HMG20A: variants seen among roughly 807,000 people sequenced by gnomAD.
HMG20A encodes high mobility group 20A.
HMG20A carries 17 observed loss-of-function variants against 43.9 expected under a neutral mutation model. The ratio of observed to expected loss-of-function variants is 0.39; its 90% CI spans 0.27 to 0.58. The LOEUF (loss-of-function observed/expected upper bound fraction) is 0.58, where lower values mean the gene tolerates loss of function less well. Among genes scored for constraint, HMG20A ranks in the 20% least tolerant of loss-of-function variants. The pLI is 0.59. For missense variants in HMG20A, 341 were observed against 438.2 expected, an observed-to-expected ratio of 0.78 and a Z score of 1.98; for synonymous variants, 132 against 147.5, an observed-to-expected ratio of 0.89 and a Z score of 0.76.
chr15:77,470,901 C>T lies in HMG20A; in HGVS notation c.451-9C>T. The T allele has an allele frequency of 1.3e-6, 2 of 1,547,512 alleles. No homozygotes were observed. The highest frequency in any genetic ancestry group is 1.7e-6 in the Non-Finnish European group (2 of 1,155,768). On this transcript the variant is annotated splice_polypyrimidine_tract_variant and intron_variant, in intron 4 of 9. Coordinates refer to ENST00000336216, the MANE Select transcript of HMG20A (RefSeq NM_001304504.2). ...TTTTCTTGAAAATAATTCTGTATTTCTTTCCTAGCGCTACCTTGATGAAGC... is the reference window on the plus strand; with the variant it reads ...TTTTCTTGAAAATAATTCTGTATTTTTTTCCTAGCGCTACCTTGATGAAGC...
At chr15:77,506,062 G>A in the HMG20A span, among the ~76,000 whole-genome samples, 1 of 146,982 alleles carries the variant, frequency 6.8e-6, no homozygotes, top group Non-Finnish European at 1.5e-5. Context: ...ACCTAGGGTT[G>A]GTAGAGTTAG....
intron 1 of HMG20A, among the ~76,000 whole-genome samples, chr15:77,426,691 G>C (rs985217856): frequency 6.6e-6 from 1 of 152,000 alleles, no homozygotes; most frequent in African/African-American, 2.4e-5. Flanking sequence ...TACACTAAAG[G>C]GGTCAGTTTT....
chr15:77,488,807 C>T (rs76573272), downstream of HMG20A, among the ~76,000 whole-genome samples: 732 of 152,332 alleles, frequency 4.8e-3, 10 homozygotes, highest in African/African-American at 0.016. Flanking sequence ...GAATGCACTA[C>T]AGGTAGTTAA....
intron 1 of HMG20A, among the ~76,000 whole-genome samples, chr15:77,445,215 T>C (rs2073659816): frequency 6.6e-6 from 1 of 152,226 alleles, no homozygotes. Flanking sequence ...GGAAGAAACA[T>C]TCTTTCTACC....
the HMG20A span, among the ~76,000 whole-genome samples, chr15:77,513,315 C>G: frequency 6.6e-6 from 1 of 152,210 alleles, no homozygotes; most frequent in Non-Finnish European, 1.5e-5. Flanking sequence ...TTCTCTTTCT[C>G]TCTGTCCTTC....
intron 1 of HMG20A, among the ~76,000 whole-genome samples, chr15:77,446,069 C>G (rs920969128): frequency 6.6e-6 from 1 of 152,154 alleles, no homozygotes; most frequent in Non-Finnish European, 1.5e-5. Context: ...TAGTATGAAT[C>G]TGGATTTTCA....
chr15:77,480,622 A>C (rs1429038544), intron 9 of HMG20A, among the ~76,000 whole-genome samples: 1 of 151,382 alleles, frequency 6.6e-6, no homozygotes, highest in Non-Finnish European at 1.5e-5. Context: ...AAAAAAAAAA[A>C]AAACAAAATA....
chr15:77,469,178 C>T (rs2072784027), intron 4 of HMG20A, among the ~76,000 whole-genome samples: 1 of 151,302 alleles, frequency 6.6e-6, no homozygotes, highest in East Asian at 1.9e-4. Flanking sequence ...ATTTTGCTTA[C>T]CTGGTACATT....
chr15:77,490,679 A>T, the HMG20A span, among the ~76,000 whole-genome samples: 2 of 152,058 alleles, frequency 1.3e-5, no homozygotes, highest in African/African-American at 4.8e-5. Flanking sequence ...AAGAAGAATG[A>T]CTCAGTTTTT....
At position 77,483,777 on chromosome 15, in the gene HMG20A, A is replaced by G. The variant is rs889097580; in HGVS notation, c.*814A>G. The stretch of plus-strand genomic sequence containing the variant: ...GCTCTTCTGTTCCCATCTGTTGACA[A>G]TGTCTTGTGGAGCATTTTTGCTGAG... On this transcript the variant is annotated 3_prime_UTR_variant, in exon 10 of 10. Coordinates refer to ENST00000336216, the MANE Select transcript of HMG20A (RefSeq NM_001304504.2). 5 of 152,684 alleles carry G rather than the reference A, an allele frequency of 3.3e-5. No individual in the cohort carries two copies. The highest frequency in any genetic ancestry group is 9.6e-5 in the African/African-American group (4 of 41,454). 9.5% of individuals were successfully genotyped at this position (152,684 alleles called of 1,614,324 possible).
At chr15:77,480,611 C>CAA (rs1261742792) in intron 9 of HMG20A, among the ~76,000 whole-genome samples, 25 of 69,440 alleles carry the variant, frequency 3.6e-4, no homozygotes, top group African/African-American at 6.0e-4. Flanking sequence ...GATTCTGTCT[C>CAA]AAAAAAAAAA....
chr15:77,453,990 C>T (rs762374848), intron 1 of HMG20A, among the ~76,000 whole-genome samples: 1 of 147,824 alleles, frequency 6.8e-6, no homozygotes, highest in Admixed American at 6.8e-5. Flanking sequence ...GGCAACATAG[C>T]GAAACCCTAT....
chr15:77,518,073 C>T, the HMG20A span, among the ~76,000 whole-genome samples: 2 of 152,350 alleles, frequency 1.3e-5, no homozygotes, highest in South Asian at 4.1e-4. Flanking sequence ...TGGCCCCTGC[C>T]TCTGGAAACA....
intron 1 of HMG20A, among the ~76,000 whole-genome samples, chr15:77,443,908 G>A (rs1413334585): frequency 6.6e-6 from 1 of 151,712 alleles, no homozygotes; most frequent in African/African-American, 2.4e-5. Context: ...ATGGGGTTTC[G>A]CCATGTTGCC....
chr15:77,431,450 G>A (rs531027083), intron 1 of HMG20A, among the ~76,000 whole-genome samples: 66 of 152,284 alleles, frequency 4.3e-4, no homozygotes, highest in Middle Eastern at 6.8e-3. Context: ...GACCTCAGGT[G>A]ATTTGCCTGC....
chr15:77,440,001 T>A (rs1243789116), intron 1 of HMG20A, among the ~76,000 whole-genome samples: 1 of 152,180 alleles, frequency 6.6e-6, no homozygotes, highest in Non-Finnish European at 1.5e-5. Context: ...TGCTTTGTAT[T>A]TAGCCCCCTT....
intron 1 of HMG20A, among the ~76,000 whole-genome samples, chr15:77,446,325 A>G (rs964695034): frequency 2.6e-5 from 4 of 152,150 alleles, no homozygotes; most frequent in African/African-American, 4.8e-5. Flanking sequence ...CTGTAAAATA[A>G]TAAGTGTTGT....
chr15:77,425,668 G>A (rs2073419394), intron 1 of HMG20A, among the ~76,000 whole-genome samples: 1 of 152,132 alleles, frequency 6.6e-6, no homozygotes, highest in Non-Finnish European at 1.5e-5. Flanking sequence ...GGCATGGAGA[G>A]CTTAATATAG....
chr15:77,477,275 G>C (rs1412216654), intron 6 of HMG20A, among the ~76,000 whole-genome samples: 1 of 152,084 alleles, frequency 6.6e-6, no homozygotes, highest in African/African-American at 2.4e-5. Flanking sequence ...CTAAGAAATG[G>C]CTTCAAATTC....
Sources: gnomAD v4.1 joint callset for allele counts (sites outside exome capture counted in the v4.1 genomes callset) on GRCh38, gnomAD v4.1.1 for gene constraint, MANE v1.5 for transcripts, NCBI Gene and HGNC (gene_info 2026-07-23, HGNC 2026-07-21) for gene names.